The following RAD51B variants were observed in gnomAD, a reference collection of about 807,000 sequenced individuals.
The protein encoded by RAD51B is RAD51 paralog B.
In RAD51B, 38 loss-of-function variants were observed where a neutral mutation model predicts 42.2. That is an observed-to-expected ratio of 0.90 (90% CI 0.70 to 1.18). The LOEUF is 1.18. Among genes scored for constraint, RAD51B ranks in the 50% most tolerant of loss-of-function variants. The pLI is 0.00. For missense variants in RAD51B, 373 were observed against 400.7 expected, an observed-to-expected ratio of 0.93 and a Z score of 0.59; for synonymous variants, 154 against 145.2, an observed-to-expected ratio of 1.06 and a Z score of -0.43.
chr14:68,593,939 A>G (rs765304950), intron 10 of RAD51B, among the ~76,000 whole-genome samples: 2 of 152,186 alleles, frequency 1.3e-5, no homozygotes, highest in Non-Finnish European at 2.9e-5. Context: ...CTCAGAAAGA[A>G]TCCTTTCCAA....
At chr14:68,614,891 AGTC>A (rs1373612717), downstream of RAD51B, among the ~76,000 whole-genome samples, 5 of 152,212 alleles carry the variant, frequency 3.3e-5, no homozygotes, top group African/African-American at 1.2e-4. Flanking sequence ...TAGAAATGCT[AGTC>A]ATATGAGCAA....
chr14:67,940,892 T>C (rs17104786), intron 7 of RAD51B, among the ~76,000 whole-genome samples: 9,111 of 152,296 alleles, frequency 0.06, 643 homozygotes, highest in African/African-American at 0.17. Flanking sequence ...TCAGACTTTT[T>C]TCACCCTTTA....
chr14:67,952,630 C>T (rs148430395), intron 7 of RAD51B, among the ~76,000 whole-genome samples: 98 of 151,692 alleles, frequency 6.5e-4, no homozygotes, highest in African/African-American at 2.2e-3. Context: ...TGACATCACA[C>T]CTTGTTTTAA....
intron 7 of RAD51B, among the ~76,000 whole-genome samples, chr14:67,924,440 A>G (rs2044433658): frequency 1.3e-5 from 2 of 152,160 alleles, no homozygotes; most frequent in South Asian, 4.1e-4. Context: ...GCTGCTGGTA[A>G]AGAGATACCC....
rs535614462 is a variant in RAD51B at position 67,884,374 on chromosome 14, C to G, written c.453-1495C>G. On this transcript the variant is annotated intron_variant, in intron 5 of 10. Transcript: ENST00000471583. ...TCTTGTTGCTAATGAGCTAGGTACT[C>G]TCAATCTGGTTCCTAATCAACTGGG... Among the ~76,000 whole-genome samples, 230 of 152,300 alleles carry G rather than the reference C, an allele frequency of 1.5e-3. 1 individual carries two copies. Among genetic ancestry groups the G allele is most frequent in the Non-Finnish European group, 2.5e-3 (170 of 68,036 alleles).
intron 9 of RAD51B, among the ~76,000 whole-genome samples, chr14:68,452,742 G>A (rs764759123): frequency 9.2e-5 from 14 of 152,160 alleles, no homozygotes; most frequent in African/African-American, 2.4e-4. Context: ...ATGACGTACC[G>A]CATTTTTCAC....
chr14:68,246,607 A>G (rs1324127585), intron 7 of RAD51B, among the ~76,000 whole-genome samples: 6 of 152,162 alleles, frequency 3.9e-5, no homozygotes, highest in African/African-American at 1.4e-4. Flanking sequence ...TTTACTGGCA[A>G]TCATGTTCCA....
At chr14:68,099,412 T>C (rs186804553) in intron 7 of RAD51B, among the ~76,000 whole-genome samples, 15 of 152,370 alleles carry the variant, frequency 9.8e-5, no homozygotes, top group Admixed American at 6.5e-4. Flanking sequence ...ACCCAGCCTA[T>C]GACCCTGAGT....
At chr14:68,162,996 A>G (rs2078674521) in intron 7 of RAD51B, among the ~76,000 whole-genome samples, 1 of 152,222 alleles carries the variant, frequency 6.6e-6, no homozygotes, top group South Asian at 2.1e-4. Flanking sequence ...CAGAGAAATC[A>G]ACCTTCTTGT....
intron 7 of RAD51B, among the ~76,000 whole-genome samples, chr14:67,930,917 CT>C (rs548979995): frequency 2.2e-3 from 308 of 140,460 alleles, no homozygotes; most frequent in African/African-American, 2.8e-3. Flanking sequence ...TGGGTTATTT[CT>C]TTTTTTTTTT....
chr14:68,586,261 C>T (rs1363973997), intron 10 of RAD51B, among the ~76,000 whole-genome samples: 1 of 152,206 alleles, frequency 6.6e-6, no homozygotes, highest in East Asian at 1.9e-4. Context: ...GGACCTGTAG[C>T]AACTCCCCAG....
At chr14:68,097,169 A>AT (rs1320379816) in intron 7 of RAD51B, among the ~76,000 whole-genome samples, 3 of 152,056 alleles carry the variant, frequency 2.0e-5, no homozygotes, top group Non-Finnish European at 4.4e-5. Flanking sequence ...ATAAAAAGCT[A>AT]TTTTTTCTGA....
intron 10 of RAD51B, among the ~76,000 whole-genome samples, chr14:68,512,260 C>G (rs1885782966): frequency 6.9e-6 from 1 of 145,296 alleles, no homozygotes; most frequent in Non-Finnish European, 1.6e-5. Context: ...CAGAGATTCT[C>G]TGGATCCAAA....
At position 67,823,618 on chromosome 14, in the gene RAD51B, T is replaced by A; in HGVS notation, c.75T>A (p.Leu25=). ...LCDRLSRHQI[L]TCQDFLCLSP... is the part of the protein sequence containing the mutation. ...ACCGTCTGAGTAGACATCAGATCCT[T>A]ACCTGTCAGGTAAATTTTATTTAAC... is the stretch of plus-strand genomic sequence containing the variant. Residue 25 remains leucine (L), a synonymous_variant, in exon 2 of 11, where the codon CTT becomes CTA. Transcript: ENST00000471583. The A allele has an allele frequency of 6.2e-7, 1 of 1,611,592 alleles. No individual in the cohort carries two copies. The highest frequency in any genetic ancestry group is 8.5e-7 in the Non-Finnish European group (1 of 1,178,894).
At chr14:68,126,810 T>C (rs1015784430) in intron 7 of RAD51B, among the ~76,000 whole-genome samples, 2 of 152,210 alleles carry the variant, frequency 1.3e-5, no homozygotes, top group African/African-American at 4.8e-5. Flanking sequence ...ATATCATGTG[T>C]GAAATATGTG....
chr14:67,905,872 C>G (rs1272048250), intron 7 of RAD51B, among the ~76,000 whole-genome samples: 1 of 152,042 alleles, frequency 6.6e-6, no homozygotes, highest in Non-Finnish European at 1.5e-5. Flanking sequence ...GAGATTTCCT[C>G]TCTTCCTGTC....
intron 7 of RAD51B, among the ~76,000 whole-genome samples, chr14:68,068,122 T>G (rs1025804924): frequency 6.6e-6 from 1 of 152,046 alleles, no homozygotes; most frequent in African/African-American, 2.4e-5. Context: ...CAATGAAAAC[T>G]TTTTTTAAAA....
At chr14:68,232,416 G>A (rs922610031) in intron 7 of RAD51B, among the ~76,000 whole-genome samples, 31 of 152,206 alleles carry the variant, frequency 2.0e-4, no homozygotes, top group African/African-American at 7.5e-4. Flanking sequence ...CCCAGGTGCT[G>A]GGAAACCAAC....
intron 7 of RAD51B, among the ~76,000 whole-genome samples, chr14:68,243,958 A>T (rs975955528): frequency 6.6e-6 from 1 of 152,210 alleles, no homozygotes; most frequent in Admixed American, 6.5e-5. Flanking sequence ...TTATGGTATC[A>T]GTTTCAATTT....
Sources: gnomAD v4.1 joint callset for allele counts (sites outside exome capture counted in the v4.1 genomes callset) on GRCh38, gnomAD v4.1.1 for gene constraint, MANE v1.5 for transcripts, NCBI Gene and HGNC (gene_info 2026-07-23, HGNC 2026-07-21) for gene names.